Variants in LINGO2 observed in about 807,000 individuals in gnomAD.
The protein encoded by LINGO2 is leucine rich repeat and Ig domain containing 2, also known as leucine-rich repeat and immunoglobulin-like domain-containing nogo receptor-interacting protein 2.
A neutral mutation model predicts 30.6 loss-of-function variants in LINGO2; 14 were observed. The ratio of observed to expected loss-of-function variants is 0.46; its 90% CI spans 0.30 to 0.72. The LOEUF (loss-of-function observed/expected upper bound fraction) is 0.72. LINGO2 is among the 30% of genes least tolerant of loss of function. The pLI, the probability that LINGO2 is intolerant of heterozygous loss-of-function variation, is 0.07. For synonymous variants in LINGO2, 317 were observed against 288.5 expected, an observed-to-expected ratio of 1.10 and a Z score of -1.00; for missense variants, 729 against 751.7, an observed-to-expected ratio of 0.97 and a Z score of 0.35.
At chr9:28,975,687 C>T in the LINGO2 span, among the ~76,000 whole-genome samples, 4 of 152,240 alleles carry the variant, frequency 2.6e-5, no homozygotes, top group Non-Finnish European at 5.9e-5. Flanking sequence ...TTTTCATCAA[C>T]GTAAGGACCT....
chr9:29,052,772 G>T, the LINGO2 span, among the ~76,000 whole-genome samples: 1 of 152,262 alleles, frequency 6.6e-6, no homozygotes, highest in Non-Finnish European at 1.5e-5. Flanking sequence ...GGTACTACCA[G>T]TCTGGATCTT....
chr9:28,518,027 C>T (rs569131387), intron 1 of LINGO2, among the ~76,000 whole-genome samples: 1 of 152,234 alleles, frequency 6.6e-6, no homozygotes, highest in South Asian at 2.1e-4. Context: ...CTCTGCATTA[C>T]CCTTGGCAGT....
At chr9:28,374,633 C>T (rs142777677) in intron 2 of LINGO2, among the ~76,000 whole-genome samples, 1 of 152,176 alleles carries the variant, frequency 6.6e-6, no homozygotes, top group African/African-American at 2.4e-5. Context: ...AAGCTCTATC[C>T]TTTCCTCCTT....
At chr9:28,938,252 G>A in the LINGO2 span, among the ~76,000 whole-genome samples, 12,673 of 152,120 alleles carry the variant, frequency 0.083, 705 homozygotes, top group East Asian at 0.23. Context: ...CTAAATTTAT[G>A]GGTTACCTCT....
intron 1 of LINGO2, among the ~76,000 whole-genome samples, chr9:28,546,351 G>T (rs1209197059): frequency 6.6e-6 from 1 of 152,032 alleles, no homozygotes; most frequent in African/African-American, 2.4e-5. Flanking sequence ...CTTCAGCAAT[G>T]TAGACCAAAT....
the LINGO2 span, among the ~76,000 whole-genome samples, chr9:28,872,110 A>T: frequency 4.6e-5 from 7 of 152,054 alleles, no homozygotes; most frequent in East Asian, 1.4e-3. Context: ...ACAGAACCAT[A>T]AAACTAGAGA....
At chr9:28,049,957 C>T (rs748888138) in intron 4 of LINGO2, among the ~76,000 whole-genome samples, 1 of 150,674 alleles carries the variant, frequency 6.6e-6, no homozygotes, top group Non-Finnish European at 1.5e-5. Context: ...TTGATGGGGC[C>T]AAGCCTGGCA....
At chr9:28,791,140 C>A in the LINGO2 span, among the ~76,000 whole-genome samples, 1 of 152,000 alleles carries the variant, frequency 6.6e-6, no homozygotes, top group African/African-American at 2.4e-5. Context: ...CCAATATAGT[C>A]ATTTTATCAG....
chr9:29,099,725 G>A, the LINGO2 span, among the ~76,000 whole-genome samples: 2 of 152,036 alleles, frequency 1.3e-5, no homozygotes, highest in Non-Finnish European at 1.5e-5. Flanking sequence ...CAAAAGACAG[G>A]CAATAACAAA....
the LINGO2 span, among the ~76,000 whole-genome samples, chr9:29,205,170 AG>A: frequency 6.6e-6 from 1 of 152,040 alleles, no homozygotes; most frequent in Admixed American, 6.6e-5. Flanking sequence ...CTTCCCGAGT[AG>A]CTGGACCTAC....
chr9:28,627,039 T>C (rs1826715010), intron 1 of LINGO2, among the ~76,000 whole-genome samples: 1 of 151,972 alleles, frequency 6.6e-6, no homozygotes, highest in Non-Finnish European at 1.5e-5. Context: ...TTTTTAACGG[T>C]TGTTTTTGAG....
At position 28,460,816 on chromosome 9, in the gene LINGO2, T is replaced by C. The variant is rs1024219616; in HGVS notation, c.-279+15124A>G. Among the ~76,000 whole-genome samples the C allele has an allele frequency of 4.0e-4, 61 of 151,930 alleles. 1 individual carries two copies. The highest frequency in any genetic ancestry group is 1.5e-3 in the African/African-American group (60 of 41,368). ...GCCTGGAGGGCAAGTGTGTGGTTTG[T>C]GTGTGGGGGGAGGGGTGGAGGAGTG... On this transcript the variant is annotated intron_variant, in intron 2 of 5. Coordinates refer to ENST00000379992, the Ensembl canonical transcript of LINGO2.
intron 1 of LINGO2, among the ~76,000 whole-genome samples, chr9:28,617,543 C>A (rs1436590075): frequency 1.3e-5 from 2 of 152,094 alleles, no homozygotes; most frequent in East Asian, 3.9e-4. Flanking sequence ...GATCCGCCCT[C>A]CTCGGCCTCC....
chr9:28,624,297 C>T (rs10968687), intron 1 of LINGO2, among the ~76,000 whole-genome samples: 14,515 of 152,042 alleles, frequency 0.095, 881 homozygotes, highest in East Asian at 0.19. Flanking sequence ...CAGTATGATA[C>T]TAGCTGTGCA....
At chr9:29,104,346 G>C in the LINGO2 span, among the ~76,000 whole-genome samples, 1 of 151,964 alleles carries the variant, frequency 6.6e-6, no homozygotes, top group South Asian at 2.1e-4. Context: ...AAAGTGTGTA[G>C]CACTTCCCCT....
intron 1 of LINGO2, among the ~76,000 whole-genome samples, chr9:28,611,349 TTG>T (rs34606835): frequency 0.12 from 18,457 of 149,240 alleles, 1,313 homozygotes; most frequent in East Asian, 0.18. Flanking sequence ...ATGTTAACAT[TTG>T]TGTGTGTGTG....
At chr9:28,537,117 G>C (rs920626233) in intron 1 of LINGO2, among the ~76,000 whole-genome samples, 7 of 152,064 alleles carry the variant, frequency 4.6e-5, no homozygotes, top group African/African-American at 1.7e-4. Flanking sequence ...ATACTCCAAA[G>C]ATTGCTAGCA....
chr9:29,075,178 C>A, the LINGO2 span, among the ~76,000 whole-genome samples: 2 of 152,236 alleles, frequency 1.3e-5, no homozygotes, highest in East Asian at 3.9e-4. Flanking sequence ...CTATTCTACT[C>A]ATTATATTCA....
At chr9:28,765,745 CA>C in the LINGO2 span, among the ~76,000 whole-genome samples, 1 of 151,978 alleles carries the variant, frequency 6.6e-6, no homozygotes, top group African/African-American at 2.4e-5. Context: ...TCCCAGCCTA[CA>C]GAATCATGAG....
Sources: gnomAD v4.1 joint callset for allele counts (sites outside exome capture counted in the v4.1 genomes callset) on GRCh38, gnomAD v4.1.1 for gene constraint, MANE v1.5 for transcripts, NCBI Gene and HGNC (gene_info 2026-07-23, HGNC 2026-07-21) for gene names.